PDE8B: variants seen among roughly 807,000 people sequenced by gnomAD.
PDE8B encodes the protein phosphodiesterase 8B.
Under a neutral mutation model 101.3 loss-of-function variants are expected in PDE8B, and 26 were observed. The observed-to-expected ratio is 0.26, with a 90% CI of 0.19 to 0.36. The LOEUF is 0.36. Among genes scored for constraint, PDE8B ranks in the 10% least tolerant of loss-of-function variants. PDE8B has a pLI of 1.00. For synonymous variants in PDE8B, 424 were observed against 429.3 expected, an observed-to-expected ratio of 0.99 and a Z score of 0.15; for missense variants, 810 against 1,163.1, an observed-to-expected ratio of 0.70 and a Z score of 4.42.
intron 10 of PDE8B, among the ~76,000 whole-genome samples, chr5:77,379,205 C>G (rs1375495822): frequency 6.6e-6 from 1 of 152,094 alleles, no homozygotes; most frequent in Admixed American, 6.5e-5. Flanking sequence ...AGATGTAGAC[C>G]TGGCATTGCA....
At position 77,349,948 on chromosome 5, in the gene PDE8B, T is replaced by C. The variant is rs190391162; in HGVS notation, c.1017+389T>C. On this transcript the variant is annotated intron_variant, in intron 8 of 21. Coordinates refer to ENST00000264917, the MANE Select transcript of PDE8B (RefSeq NM_003719.5). ...TATTTATAGGTAGGCCAGGTTTTTT[T>C]CCCAGTTTTCCTTTTCTGTTCTCTG... Among the ~76,000 whole-genome samples the C allele has an allele frequency of 2.1e-3, 319 of 152,284 alleles. 2 individuals carry two copies. Among genetic ancestry groups the C allele is most frequent in the African/African-American group, 7.3e-3 (302 of 41,556 alleles).
the PDE8B span, chr5:77,147,798 A>G: frequency 1.3e-5 from 2 of 152,182 alleles, no homozygotes; most frequent in Non-Finnish European, 2.9e-5. Flanking sequence ...AATGTTCTAA[A>G]AGCCACATGA....
At chr5:77,283,252 C>T (rs1396709539) in intron 1 of PDE8B, among the ~76,000 whole-genome samples, 1 of 152,112 alleles carries the variant, frequency 6.6e-6, no homozygotes, top group Non-Finnish European at 1.5e-5. Context: ...ACCCCCCACT[C>T]CCTGGAGCCA....
intron 1 of PDE8B, among the ~76,000 whole-genome samples, chr5:77,265,993 G>A (rs1210171582): frequency 6.6e-6 from 1 of 152,184 alleles, no homozygotes; most frequent in East Asian, 1.9e-4. Context: ...TCAGAGAGCT[G>A]CCTGACTGCG....
the PDE8B span, among the ~76,000 whole-genome samples, chr5:77,203,054 C>T: frequency 6.6e-6 from 1 of 152,190 alleles, no homozygotes; most frequent in Middle Eastern, 3.2e-3. Flanking sequence ...TAGAATTTAG[C>T]CAAACTGCTT....
intron 2 of PDE8B, among the ~76,000 whole-genome samples, chr5:77,324,682 A>G (rs1042076746): frequency 6.6e-6 from 1 of 152,164 alleles, no homozygotes; most frequent in African/African-American, 2.4e-5. Context: ...TGGATGTTAA[A>G]ATTCATTTTT....
chr5:77,385,578 T>G (rs1024171577), intron 10 of PDE8B, among the ~76,000 whole-genome samples: 1 of 152,154 alleles, frequency 6.6e-6, no homozygotes, highest in Non-Finnish European at 1.5e-5. Context: ...GTGTCTATTT[T>G]AGATCTTTCC....
intron 1 of PDE8B, among the ~76,000 whole-genome samples, chr5:77,228,277 G>C (rs180843307): frequency 7.9e-5 from 12 of 152,282 alleles, no homozygotes; most frequent in African/African-American, 2.2e-4. Flanking sequence ...TCTTTTATCA[G>C]TAAGATGGTA....
At chr5:77,291,407 T>C (rs1009959613) in intron 1 of PDE8B, 16 of 1,611,628 alleles carry the variant, frequency 9.9e-6, no homozygotes, top group African/African-American at 4.0e-5. Context: ...CTGGAAATTA[T>C]GTAGAACCGA....
chr5:77,284,562 A>C (rs1421529884), intron 1 of PDE8B, among the ~76,000 whole-genome samples: 2 of 152,252 alleles, frequency 1.3e-5, no homozygotes, highest in African/African-American at 4.8e-5. Context: ...ATTATCACAA[A>C]GTGAACACAT....
upstream of PDE8B, among the ~76,000 whole-genome samples, chr5:77,208,171 C>G (rs1463286405): frequency 2.0e-5 from 3 of 152,272 alleles, no homozygotes; most frequent in Admixed American, 6.5e-5. Context: ...CTAATGTTCT[C>G]CACCAGAAGA....
chr5:77,326,381 A>G (rs1169571543), intron 3 of PDE8B, among the ~76,000 whole-genome samples: 1 of 152,222 alleles, frequency 6.6e-6, no homozygotes, highest in East Asian at 1.9e-4. Flanking sequence ...AGAGGTCACT[A>G]ATTAAATGCT....
the PDE8B span, chr5:77,152,159 A>G: frequency 6.6e-6 from 1 of 152,224 alleles, no homozygotes; most frequent in Non-Finnish European, 1.5e-5. Flanking sequence ...AAATGAATGA[A>G]TACAGGTGGA....
At chr5:77,203,895 G>A in the PDE8B span, among the ~76,000 whole-genome samples, 48 of 152,250 alleles carry the variant, frequency 3.2e-4, no homozygotes, top group Non-Finnish European at 6.3e-4. Flanking sequence ...ATGCAGGCAG[G>A]AGAGGGCCTG....
At chr5:77,195,404 T>G in the PDE8B span, among the ~76,000 whole-genome samples, 273 of 152,262 alleles carry the variant, frequency 1.8e-3, 1 homozygote, top group African/African-American at 6.3e-3. Context: ...CATTTTACTT[T>G]CCCAACAGCA....
chr5:77,275,973 C>A (rs975852809), intron 1 of PDE8B, among the ~76,000 whole-genome samples: 2 of 152,108 alleles, frequency 1.3e-5, no homozygotes, highest in African/African-American at 2.4e-5. Flanking sequence ...TATTTGTTAT[C>A]CTTTATACTG....
At chr5:77,163,159 C>T in the PDE8B span, among the ~76,000 whole-genome samples, 1 of 152,140 alleles carries the variant, frequency 6.6e-6, no homozygotes, top group African/African-American at 2.4e-5. Context: ...AATTCAGTTT[C>T]GTGATAGAAA....
At chr5:77,405,157 A>G (rs2151039310) in intron 12 of PDE8B, among the ~76,000 whole-genome samples, 1 of 152,354 alleles carries the variant, frequency 6.6e-6, no homozygotes, top group East Asian at 1.9e-4. Flanking sequence ...ACACAAACCT[A>G]GTTTTCAGTG....
chr5:77,128,000 C>T, the PDE8B span, among the ~76,000 whole-genome samples: 1 of 152,198 alleles, frequency 6.6e-6, no homozygotes, highest in Non-Finnish European at 1.5e-5. Context: ...ATTCTTTTAA[C>T]CATTGCTCTA....
Sources: allele counts gnomAD v4.1 joint callset (sites outside exome capture counted in the v4.1 genomes callset), GRCh38; gene constraint gnomAD v4.1.1; transcripts MANE v1.5; gene names NCBI Gene and HGNC (gene_info 2026-07-23, HGNC 2026-07-21).